Variants in XYLT1 observed in about 807,000 individuals in gnomAD.
The protein encoded by XYLT1 is xylosyltransferase 1, also known as beta-D-xylosyltransferase 1.
Under a neutral mutation model 91.3 loss-of-function variants are expected in XYLT1, and 36 were observed. That is an observed-to-expected ratio of 0.39 (90% CI 0.30 to 0.52). The LOEUF (loss-of-function observed/expected upper bound fraction) is 0.52, where lower values mean the gene tolerates loss of function less well. Among genes scored for constraint, XYLT1 ranks in the 20% least tolerant of loss-of-function variants. XYLT1 has a pLI of 0.68. For missense variants in XYLT1, 1,242 were observed against 1,284.5 expected (o/e 0.97, Z 0.51); for synonymous variants, 588 against 532.0 (o/e 1.11, Z -1.45).
intron 1 of XYLT1, among the ~76,000 whole-genome samples, chr16:17,460,495 A>G (rs2141959060): frequency 6.6e-6 from 1 of 152,340 alleles, no homozygotes; most frequent in Admixed American, 6.5e-5. Context: ...AGTGCAGTGA[A>G]TAAGCCACAT....
chr16:17,145,045 CT>C (rs1243222376), intron 6 of XYLT1, among the ~76,000 whole-genome samples: 4 of 152,248 alleles, frequency 2.6e-5, no homozygotes, highest in Non-Finnish European at 4.4e-5. Flanking sequence ...ATGCTAGCCC[CT>C]GATAACCATC....
At chr16:17,309,894 T>G (rs574321577) in intron 2 of XYLT1, among the ~76,000 whole-genome samples, 258 of 152,176 alleles carry the variant, frequency 1.7e-3, no homozygotes, top group Non-Finnish European at 3.0e-3. Flanking sequence ...AAAGGCTATG[T>G]GGGGAGTGAA....
At chr16:17,368,832 C>T (rs771853166) in intron 1 of XYLT1, among the ~76,000 whole-genome samples, 5 of 152,032 alleles carry the variant, frequency 3.3e-5, no homozygotes, top group Admixed American at 1.3e-4. Flanking sequence ...GATCCTACTG[C>T]CTTGGCCTCC....
At chr16:17,315,412 T>C (rs536034480) in intron 2 of XYLT1, among the ~76,000 whole-genome samples, 3 of 152,326 alleles carry the variant, frequency 2.0e-5, no homozygotes, top group African/African-American at 7.2e-5. Flanking sequence ...TGGAGAGCCA[T>C]TTCCCAAACC....
At chr16:17,244,071 T>C (rs1309267256) in intron 3 of XYLT1, among the ~76,000 whole-genome samples, 2 of 152,268 alleles carry the variant, frequency 1.3e-5, no homozygotes, top group South Asian at 4.1e-4. Context: ...TCTCTAGGCA[T>C]GTCCAGACGT....
chr16:17,454,889 A>G (rs1037733866), intron 1 of XYLT1, among the ~76,000 whole-genome samples: 2 of 139,924 alleles, frequency 1.4e-5, no homozygotes, highest in African/African-American at 2.8e-5. Context: ...GCGTCACAAA[A>G]TATCATTCTT....
At chr16:17,331,357 A>C (rs2034896910) in intron 2 of XYLT1, among the ~76,000 whole-genome samples, 1 of 152,214 alleles carries the variant, frequency 6.6e-6, no homozygotes, top group South Asian at 2.1e-4. Flanking sequence ...GACATCAACT[A>C]ACAGCCTGGC....
intron 3 of XYLT1, among the ~76,000 whole-genome samples, chr16:17,210,485 G>A (rs939157589): frequency 6.6e-6 from 1 of 152,206 alleles, no homozygotes; most frequent in Non-Finnish European, 1.5e-5. Context: ...GCTGAGGCAG[G>A]AGAATTGCTT....
chr16:17,448,739 T>TGGA (rs1327275570), intron 1 of XYLT1, among the ~76,000 whole-genome samples: 165 of 130,980 alleles, frequency 1.3e-3, no homozygotes, highest in Admixed American at 3.7e-3. Context: ...GGGAGGAGGG[T>TGGA]GGAGGAGGAG....
intron 2 of XYLT1, among the ~76,000 whole-genome samples, chr16:17,354,202 T>G (rs930816352): frequency 1.3e-5 from 2 of 152,076 alleles, no homozygotes; most frequent in African/African-American, 2.4e-5. Flanking sequence ...CCTTGGTGCC[T>G]CCCCAGGGGC....
chr16:17,402,741 T>C (rs2035985748), intron 1 of XYLT1, among the ~76,000 whole-genome samples: 2 of 139,864 alleles, frequency 1.4e-5, no homozygotes, highest in Admixed American at 1.4e-4. Context: ...TTTTTTTCTT[T>C]TCTTTTTTTT....
intron 9 of XYLT1, among the ~76,000 whole-genome samples, chr16:17,129,744 ATTTAGT>A (rs1171219269): frequency 6.6e-6 from 1 of 152,062 alleles, no homozygotes; most frequent in East Asian, 1.9e-4. Context: ...TTTAAATTGT[ATTTAGT>A]TTTAGTTAAT....
chr16:17,276,995 G>A (rs1159301295), intron 2 of XYLT1, among the ~76,000 whole-genome samples: 5 of 152,138 alleles, frequency 3.3e-5, no homozygotes, highest in East Asian at 1.9e-4. Context: ...CTCCTACAAC[G>A]ACTTTTCATA....
At chr16:17,241,017 G>C (rs2033336972) in intron 3 of XYLT1, among the ~76,000 whole-genome samples, 1 of 152,138 alleles carries the variant, frequency 6.6e-6, no homozygotes, top group African/African-American at 2.4e-5. Flanking sequence ...CCATGTTTTT[G>C]GAGCCAGAGA....
chr16:17,161,062 G>A (rs1038040214), intron 5 of XYLT1, among the ~76,000 whole-genome samples: 2 of 152,150 alleles, frequency 1.3e-5, no homozygotes, highest in East Asian at 1.9e-4. Context: ...AGGATTGAAG[G>A]GGCCGGGCCG....
chr16:17,321,750 C>T (rs958710396), intron 2 of XYLT1, among the ~76,000 whole-genome samples: 22 of 152,136 alleles, frequency 1.4e-4, no homozygotes, highest in African/African-American at 5.3e-4. Flanking sequence ...CATTGTGGTT[C>T]CAGGGATGGG....
At chr16:17,350,437 C>A (rs2035205249) in intron 2 of XYLT1, among the ~76,000 whole-genome samples, 1 of 152,206 alleles carries the variant, frequency 6.6e-6, no homozygotes, top group Non-Finnish European at 1.5e-5. Context: ...ACTCCATGCT[C>A]CAAGTCCAGA....
At chr16:17,274,114 G>A (rs2033936753) in intron 2 of XYLT1, among the ~76,000 whole-genome samples, 1 of 151,984 alleles carries the variant, frequency 6.6e-6, no homozygotes, top group Non-Finnish European at 1.5e-5. Context: ...GTTTCACCAT[G>A]TTGGCCAGGC....
At chr16:17,443,157 T>C (rs1203900028) in intron 1 of XYLT1, among the ~76,000 whole-genome samples, 1 of 152,194 alleles carries the variant, frequency 6.6e-6, no homozygotes, top group Non-Finnish European at 1.5e-5. Context: ...GATTAAAAGT[T>C]AATTGAAGCA....
Sources: gnomAD v4.1 joint callset for allele counts (sites outside exome capture counted in the v4.1 genomes callset) on GRCh38, gnomAD v4.1.1 for gene constraint, MANE v1.5 for transcripts, NCBI Gene and HGNC (gene_info 2026-07-23, HGNC 2026-07-21) for gene names.